AGTPBP1: variants seen among roughly 807,000 people sequenced by gnomAD.
AGTPBP1 encodes cytosolic carboxypeptidase 1.
AGTPBP1 carries 70 observed loss-of-function variants against 143.9 expected under a neutral mutation model. That is an observed-to-expected ratio of 0.49 (90% CI 0.40 to 0.59). AGTPBP1 has a LOEUF of 0.59. Among genes scored for constraint, AGTPBP1 ranks in the 20% least tolerant of loss-of-function variants. The probability of loss-of-function intolerance (pLI) is 0.00; values close to 1 mark genes in which losing one functional copy is unlikely to be tolerated. For synonymous variants in AGTPBP1, 463 were observed against 500.2 expected, an observed-to-expected ratio of 0.93 and a Z score of 0.99; for missense variants, 1,229 against 1,464.5, an observed-to-expected ratio of 0.84 and a Z score of 2.62.
chr9:85,646,287 A>C, intron 12 of AGTPBP1, 34 bp downstream of exon 12: 3 of 1,504,866 alleles, frequency 2.0e-6, no homozygotes, highest in Non-Finnish European at 2.8e-6. Flanking sequence ...TATATCATTT[A>C]TAAAGCTAAC....
chr9:85,669,242 C>A (rs62569203), intron 8 of AGTPBP1, among the ~76,000 whole-genome samples: 2 of 151,662 alleles, frequency 1.3e-5, no homozygotes, highest in African/African-American at 4.8e-5. Context: ...TAGAAATGTT[C>A]AGTCTAAGTT....
At chr9:85,657,728 A>G (rs1554718878) in intron 9 of AGTPBP1, 85 bp from the exon 10 acceptor site, 3 of 862,204 alleles carry the variant, frequency 3.5e-6, no homozygotes, top group African/African-American at 1.7e-5. Flanking sequence ...TATTACCTCA[A>G]TATTGTGATG....
chr9:85,779,169 TA>T, the AGTPBP1 span, among the ~76,000 whole-genome samples: 1 of 140,826 alleles, frequency 7.1e-6, no homozygotes, highest in Non-Finnish European at 1.6e-5. Context: ...ACAGAACTAA[TA>T]GGAGATATAT....
At chr9:85,672,072 CTT>C (rs111948831) in intron 7 of AGTPBP1, among the ~76,000 whole-genome samples, 4 of 145,198 alleles carry the variant, frequency 2.8e-5, no homozygotes, top group Non-Finnish European at 3.0e-5. Context: ...CCAACTTAAC[CTT>C]TTTTTTTTTT....
intron 25 of AGTPBP1, among the ~76,000 whole-genome samples, chr9:85,572,728 A>G (rs1307937824): frequency 6.6e-6 from 1 of 152,214 alleles, no homozygotes; most frequent in Admixed American, 6.5e-5. Flanking sequence ...ACACGAATTA[A>G]AAGTTAAAAG....
At chr9:85,616,013 A>G (rs1474867499) in intron 17 of AGTPBP1, among the ~76,000 whole-genome samples, 1 of 152,010 alleles carries the variant, frequency 6.6e-6, no homozygotes, top group African/African-American at 2.4e-5. Flanking sequence ...AAATTTGATT[A>G]AAATACAGAA....
At chr9:85,622,512 A>G (rs1016422294) in intron 14 of AGTPBP1, among the ~76,000 whole-genome samples, 1 of 152,184 alleles carries the variant, frequency 6.6e-6, no homozygotes, top group African/African-American at 2.4e-5. Flanking sequence ...ATAGTTAAAC[A>G]TATAAACAAA....
At chr9:85,781,721 A>G in the AGTPBP1 span, among the ~76,000 whole-genome samples, 2 of 152,322 alleles carry the variant, frequency 1.3e-5, no homozygotes, top group East Asian at 3.9e-4. Context: ...TATGGTAGGT[A>G]AGAATAAAAG....
At chr9:85,706,735 G>A (rs896327995) in intron 2 of AGTPBP1, among the ~76,000 whole-genome samples, 7 of 151,890 alleles carry the variant, frequency 4.6e-5, no homozygotes, top group Non-Finnish European at 1.0e-4. Flanking sequence ...AATTAGCCGG[G>A]CATGGTGGCA....
chr9:85,769,248 A>T, the AGTPBP1 span, among the ~76,000 whole-genome samples: 1 of 152,114 alleles, frequency 6.6e-6, no homozygotes, highest in African/African-American at 2.4e-5. Flanking sequence ...GCAGATGGAC[A>T]AGATAGTCTG....
At chr9:85,724,963 T>G in intron 1 of AGTPBP1, among the ~76,000 whole-genome samples, 1 of 152,242 alleles carries the variant, frequency 6.6e-6, no homozygotes, top group East Asian at 1.9e-4. Context: ...TACGGTATAA[T>G]GGCACACAGT....
At chr9:85,578,584 C>T (rs957909926) in intron 24 of AGTPBP1, among the ~76,000 whole-genome samples, 4 of 151,690 alleles carry the variant, frequency 2.6e-5, no homozygotes, top group Admixed American at 2.0e-4. Flanking sequence ...TAAATTAAAA[C>T]AATAGAAAAT....
chr9:85,609,217 T>C (rs1440681165), intron 17 of AGTPBP1, among the ~76,000 whole-genome samples: 3 of 152,024 alleles, frequency 2.0e-5, no homozygotes, highest in Non-Finnish European at 4.4e-5. Context: ...TTAAATATAC[T>C]CCCTAATTGT....
At chr9:85,731,922 C>A (rs1269032165) in intron 1 of AGTPBP1, among the ~76,000 whole-genome samples, 1 of 152,170 alleles carries the variant, frequency 6.6e-6, no homozygotes, top group Non-Finnish European at 1.5e-5. Context: ...AAGGTTCACA[C>A]ACTACTCCAC....
chr9:85,629,211 G>A (rs1010703391), intron 14 of AGTPBP1, among the ~76,000 whole-genome samples: 1 of 152,080 alleles, frequency 6.6e-6, no homozygotes, highest in Non-Finnish European at 1.5e-5. Context: ...GAACTCAGTG[G>A]TATATTAGAC....
intron 3 of AGTPBP1, among the ~76,000 whole-genome samples, chr9:85,682,172 TAAAAAAAAAA>T (rs745339958): frequency 3.5e-5 from 3 of 85,830 alleles, no homozygotes; most frequent in Non-Finnish European, 2.3e-5. Context: ...TAGGATTGGT[TAAAAAAAAAA>T]AAAAAAAAAA....
intron 4 of AGTPBP1, among the ~76,000 whole-genome samples, chr9:85,679,183 A>G (rs1398114240): frequency 6.6e-6 from 1 of 152,146 alleles, no homozygotes; most frequent in Non-Finnish European, 1.5e-5. Flanking sequence ...AATAATTTAT[A>G]CTCCCATCAG....
the AGTPBP1 span, among the ~76,000 whole-genome samples, chr9:85,762,841 T>C: frequency 6.7e-6 from 1 of 148,324 alleles, no homozygotes; most frequent in South Asian, 2.1e-4. Context: ...ATAAACTTTA[T>C]AAAGTTTATG....
chr9:85,741,628 C>T, intron 1 of AGTPBP1, 147 bp downstream of exon 1: 1 of 1,241,134 alleles, frequency 8.1e-7, no homozygotes, highest in Non-Finnish European at 1.0e-6. Flanking sequence ...ACATGTGTAA[C>T]ATGCGTTACA....
Sources: gnomAD v4.1 joint callset for allele counts (sites outside exome capture counted in the v4.1 genomes callset) on GRCh38, gnomAD v4.1.1 for gene constraint, MANE v1.5 for transcripts, NCBI Gene and HGNC (gene_info 2026-07-23, HGNC 2026-07-21) for gene names.